The following COL4A6 variants were observed in gnomAD, a reference collection of about 807,000 sequenced individuals.
COL4A6 encodes the protein collagen alpha-6(IV) chain.
In COL4A6, 59 loss-of-function variants were observed where a neutral mutation model predicts 126.7. The ratio of observed to expected loss-of-function variants is 0.47; its 90% CI spans 0.38 to 0.58. COL4A6 has a LOEUF of 0.58. COL4A6 is among the 20% of genes least tolerant of loss of function. COL4A6 has a pLI of 0.00. For synonymous variants in COL4A6, 547 were observed against 496.6 expected (o/e 1.10, Z -1.35); for missense variants, 1,285 against 1,337.3 (o/e 0.96, Z 0.61).
chrX:108,431,935 T>C (rs2064179352), intron 2 of COL4A6, among the ~76,000 whole-genome samples: 1 of 112,462 alleles, frequency 8.9e-6, no homozygotes, highest in South Asian at 3.7e-4. Context: ...TGTGTAAGCA[T>C]TGTGTGTGTA....
At chrX:108,343,165 AG>A (rs1450707222) in intron 2 of COL4A6, among the ~76,000 whole-genome samples, 106 of 31,315 alleles carry the variant, frequency 3.4e-3, no homozygotes, top group East Asian at 0.017. Context: ...ATATATATAT[AG>A]TGTGTGTGTG....
chrX:108,209,495 C>T (rs1287457156), intron 8 of COL4A6, among the ~76,000 whole-genome samples: 5 of 111,505 alleles, frequency 4.5e-5, no homozygotes, highest in Admixed American at 2.8e-4. Flanking sequence ...AAAAAAGTGA[C>T]GACAATGTGG....
At chrX:108,298,469 C>T (rs1184104005) in intron 3 of COL4A6, among the ~76,000 whole-genome samples, 1 of 111,514 alleles carries the variant, frequency 9.0e-6, no homozygotes. Context: ...TCTCCCTGGG[C>T]GGCCTCACCA....
At chrX:108,221,451 A>T (rs2036016684) in intron 3 of COL4A6, 77 bp from the exon 4 acceptor site, 3 of 1,084,081 alleles carry the variant, frequency 2.8e-6, no homozygotes, top group South Asian at 2.1e-5. Flanking sequence ...ACGCACAAAG[A>T]GCACTGTCAT....
intron 3 of COL4A6, among the ~76,000 whole-genome samples, chrX:108,295,945 A>T (rs2038313556): frequency 8.9e-6 from 1 of 112,068 alleles, no homozygotes; most frequent in Non-Finnish European, 1.9e-5. Flanking sequence ...CAAAGATCCT[A>T]TTTGGTTATT....
chrX:108,389,549 GTT>G (rs1325385212), intron 2 of COL4A6, among the ~76,000 whole-genome samples: 1 of 108,973 alleles, frequency 9.2e-6, no homozygotes. Flanking sequence ...CCTGCTTTTT[GTT>G]TTTGTTTTTT....
chrX:108,322,819 A>G (rs2039063089), intron 2 of COL4A6, among the ~76,000 whole-genome samples: 2 of 111,745 alleles, frequency 1.8e-5, no homozygotes, highest in South Asian at 3.7e-4. Context: ...AAAAACCACA[A>G]GTAACTTTTT....
intron 3 of COL4A6, among the ~76,000 whole-genome samples, chrX:108,257,758 A>C (rs2037045006): frequency 9.0e-6 from 1 of 111,073 alleles, no homozygotes; most frequent in Admixed American, 9.6e-5. Context: ...AAGCTGCTCT[A>C]CAGAGGTACC....
intron 2 of COL4A6, among the ~76,000 whole-genome samples, chrX:108,394,598 G>C (rs2040922202): frequency 9.0e-6 from 1 of 111,436 alleles, no homozygotes; most frequent in Non-Finnish European, 1.9e-5. Context: ...AAAGCTGTTA[G>C]TTCCTTGAAG....
Position 108,255,628 on chromosome X carries a change from T to C in COL4A6, c.145-34254A>G, listed in dbSNP as rs753661679. Among the ~76,000 whole-genome samples the C allele has an allele frequency of 2.5e-4, 28 of 110,591 alleles. No individual in the cohort carries two copies. The Middle Eastern group carries it at 0.019, about 74-fold the overall frequency. ...GAATCTGTTTTTCAGTCCTCTCTTG[T>C]CACTGGTTCTGCCAACCTCACCCTG... On this transcript the variant is annotated intron_variant, in intron 3 of 44. Coordinates refer to ENST00000334504, the MANE Select transcript of COL4A6 (RefSeq NM_033641.4).
At chrX:108,171,830 C>T (rs766965689) in intron 32 of COL4A6, among the ~76,000 whole-genome samples, 34 of 111,857 alleles carry the variant, frequency 3.0e-4, no homozygotes, top group African/African-American at 1.1e-3. Flanking sequence ...GAGACTGGAG[C>T]CGAGGTTCTC....
chrX:108,261,110 G>A (rs1285665293), intron 3 of COL4A6, among the ~76,000 whole-genome samples: 2 of 111,222 alleles, frequency 1.8e-5, no homozygotes, highest in Non-Finnish European at 3.8e-5. Context: ...TGGCCAACAC[G>A]ATTGCTAATC....
At chrX:108,233,920 C>T (rs750404591) in intron 3 of COL4A6, among the ~76,000 whole-genome samples, 155 of 112,024 alleles carry the variant, frequency 1.4e-3, no homozygotes, top group African/African-American at 4.7e-3. Context: ...GGAATGAGAT[C>T]TCCACATTTG....
At chrX:108,184,171 C>A (rs1344297146) in intron 23 of COL4A6, among the ~76,000 whole-genome samples, 1 of 112,194 alleles carries the variant, frequency 8.9e-6, no homozygotes, top group Non-Finnish European at 1.9e-5. Context: ...ACAGAAATGG[C>A]TACAATGCAA....
chrX:108,343,153 ATATATATATATAGTGT>A (rs2039612142), intron 2 of COL4A6, among the ~76,000 whole-genome samples: 1 of 74,980 alleles, frequency 1.3e-5, no homozygotes, highest in African/African-American at 4.9e-5. Flanking sequence ...ATATATATAT[ATATATATATATAGTGT>A]GTGTGTGTGT....
At chrX:108,393,094 A>G (rs2040873238) in intron 2 of COL4A6, among the ~76,000 whole-genome samples, 1 of 111,849 alleles carries the variant, frequency 8.9e-6, no homozygotes, top group Non-Finnish European at 1.9e-5. Context: ...TAAAAAGTTT[A>G]TGTAGAATTG....
chrX:108,272,234 A>G (rs1235933078), intron 3 of COL4A6, among the ~76,000 whole-genome samples: 2 of 111,173 alleles, frequency 1.8e-5, no homozygotes, highest in Admixed American at 9.6e-5. Context: ...ACTTTTCTTT[A>G]TATTGCACTC....
At chrX:108,335,525 G>A (rs1423452131) in intron 2 of COL4A6, among the ~76,000 whole-genome samples, 1 of 111,716 alleles carries the variant, frequency 9.0e-6, no homozygotes, top group Non-Finnish European at 1.9e-5. Context: ...AGGCTTTTGA[G>A]ATTTTAAAGA....
At chrX:108,219,664 A>T (rs762777108) in intron 5 of COL4A6, 34 bp downstream of exon 5, 1 of 1,173,531 alleles carries the variant, frequency 8.5e-7, no homozygotes, top group Non-Finnish European at 1.2e-6. Flanking sequence ...AACCTAAAGG[A>T]GGATATGAAA....
Sources: allele counts gnomAD v4.1 joint callset (sites outside exome capture counted in the v4.1 genomes callset), GRCh38; gene constraint gnomAD v4.1.1; transcripts MANE v1.5; gene names NCBI Gene and HGNC (gene_info 2026-07-23, HGNC 2026-07-21).